Variants in VTI1A observed in about 807,000 individuals in gnomAD.
VTI1A encodes the protein vesicle transport through interaction with t-SNAREs homolog 1A.
A neutral mutation model predicts 34.9 loss-of-function variants in VTI1A; 22 were observed. The ratio of observed to expected loss-of-function variants is 0.63; its 90% confidence interval spans 0.45 to 0.90. The LOEUF is 0.90. VTI1A is among the 40% of genes least tolerant of loss of function. The pLI is 0.00. For synonymous variants in VTI1A, 87 were observed against 97.3 expected, an observed-to-expected ratio of 0.89 and a Z score of 0.62; for missense variants, 268 against 275.6, an observed-to-expected ratio of 0.97 and a Z score of 0.20.
At chr10:112,591,286 C>T (rs545934153) in intron 5 of VTI1A, among the ~76,000 whole-genome samples, 1 of 152,158 alleles carries the variant, frequency 6.6e-6, no homozygotes, top group East Asian at 1.9e-4. Flanking sequence ...TTTGAGAGGC[C>T]GAGGCAGGCG....
chr10:112,511,673 G>A (rs1849614146), intron 3 of VTI1A, among the ~76,000 whole-genome samples: 1 of 152,042 alleles, frequency 6.6e-6, no homozygotes, highest in South Asian at 2.1e-4. Context: ...CTTACTGAAT[G>A]TTTGCACCCT....
At chr10:112,760,889 C>CAAA (rs10592117) in intron 7 of VTI1A, among the ~76,000 whole-genome samples, 3 of 94,250 alleles carry the variant, frequency 3.2e-5, no homozygotes, top group African/African-American at 1.1e-4. Flanking sequence ...ACTCCATCTC[C>CAAA]AAAAAAAAAA....
At chr10:112,511,925 C>T (rs1016683451) in intron 3 of VTI1A, among the ~76,000 whole-genome samples, 1 of 152,130 alleles carries the variant, frequency 6.6e-6, no homozygotes, top group Non-Finnish European at 1.5e-5. Flanking sequence ...GATAGGATTT[C>T]ATTCTGTATA....
At chr10:112,478,605 A>G (rs890102455) in intron 3 of VTI1A, among the ~76,000 whole-genome samples, 7 of 152,222 alleles carry the variant, frequency 4.6e-5, no homozygotes, top group Non-Finnish European at 1.0e-4. Context: ...GACCTTCTGA[A>G]TTGGATAGCT....
At chr10:112,627,942 G>A (rs1845985682) in intron 5 of VTI1A, among the ~76,000 whole-genome samples, 1 of 152,196 alleles carries the variant, frequency 6.6e-6, no homozygotes, top group South Asian at 2.1e-4. Context: ...AAGACTCTGA[G>A]GGATATTTAG....
intron 5 of VTI1A, 86 bp downstream of exon 5, chr10:112,538,416 G>A: frequency 3.1e-6 from 4 of 1,272,804 alleles, no homozygotes; most frequent in East Asian, 2.3e-5. Context: ...CTTCAAAGGA[G>A]TAGCAGAGAC....
At chr10:112,732,198 T>G (rs1320659463) in intron 7 of VTI1A, among the ~76,000 whole-genome samples, 5 of 152,232 alleles carry the variant, frequency 3.3e-5, no homozygotes, top group Non-Finnish European at 5.9e-5. Context: ...AGAAGGCATC[T>G]AGCTACAGAG....
At chr10:112,707,687 A>G (rs1306423005) in intron 7 of VTI1A, among the ~76,000 whole-genome samples, 1 of 152,210 alleles carries the variant, frequency 6.6e-6, no homozygotes, top group Non-Finnish European at 1.5e-5. Context: ...TGTATATTTT[A>G]CATACAAATA....
intron 3 of VTI1A, among the ~76,000 whole-genome samples, chr10:112,481,214 TATTTTAC>T: frequency 6.6e-6 from 1 of 152,354 alleles, no homozygotes; most frequent in South Asian, 2.1e-4. Flanking sequence ...CAAAATCCAG[TATTTTAC>T]ATTTATTCTG....
At chr10:112,460,121 G>T (rs1847683564) in intron 1 of VTI1A, among the ~76,000 whole-genome samples, 1 of 152,134 alleles carries the variant, frequency 6.6e-6, no homozygotes, top group Non-Finnish European at 1.5e-5. Context: ...CCCAGTTTTA[G>T]GAAGTGTTTT....
chr10:112,745,997 T>C (rs1850881070), intron 7 of VTI1A, among the ~76,000 whole-genome samples: 1 of 152,154 alleles, frequency 6.6e-6, no homozygotes. Flanking sequence ...ACAAAACCTT[T>C]CCCTTCCCTA....
chr10:112,552,916 T>C (rs1438428984), intron 5 of VTI1A, among the ~76,000 whole-genome samples: 2 of 152,230 alleles, frequency 1.3e-5, no homozygotes, highest in Non-Finnish European at 1.5e-5. Flanking sequence ...GTTGCTGGCC[T>C]CTGCTCAAAT....
At chr10:112,534,306 A>G (rs898497151) in intron 4 of VTI1A, among the ~76,000 whole-genome samples, 3 of 152,170 alleles carry the variant, frequency 2.0e-5, no homozygotes, top group Non-Finnish European at 4.4e-5. Flanking sequence ...AGTCAAACAT[A>G]TCAAACATGC....
intron 7 of VTI1A, among the ~76,000 whole-genome samples, chr10:112,682,187 C>T (rs1012450047): frequency 3.9e-5 from 6 of 152,076 alleles, no homozygotes; most frequent in Admixed American, 3.3e-4. Context: ...AAAGTATTTT[C>T]GAGCTCATGG....
chr10:112,689,483 G>A (rs1034603525), intron 7 of VTI1A, among the ~76,000 whole-genome samples: 4 of 152,194 alleles, frequency 2.6e-5, no homozygotes, highest in African/African-American at 9.6e-5. Flanking sequence ...GGGGTGCCCT[G>A]GTAGGAGGTG....
the VTI1A span, chr10:112,831,403 T>G: frequency 6.6e-6 from 1 of 152,266 alleles, no homozygotes; most frequent in African/African-American, 2.4e-5. Context: ...CTAATATTCC[T>G]GGCGCATCAG....
chr10:112,794,904 C>T (rs529036624), intron 7 of VTI1A, among the ~76,000 whole-genome samples: 4 of 152,256 alleles, frequency 2.6e-5, no homozygotes, highest in African/African-American at 7.2e-5. Flanking sequence ...AAAGAGCATT[C>T]GTGACAACCC....
chr10:112,560,041 T>A (rs1851670906), intron 5 of VTI1A, among the ~76,000 whole-genome samples: 1 of 152,210 alleles, frequency 6.6e-6, no homozygotes, highest in Non-Finnish European at 1.5e-5. Context: ...TAGTTCTAAC[T>A]GACCCAGACA....
At chr10:112,541,060 TG>T (rs1379780754) in intron 5 of VTI1A, among the ~76,000 whole-genome samples, 26 of 152,326 alleles carry the variant, frequency 1.7e-4, no homozygotes, top group African/African-American at 5.8e-4. Flanking sequence ...ATTTCTAAGA[TG>T]ATGTTTTTCC....
Sources: gnomAD v4.1 joint callset for allele counts (sites outside exome capture counted in the v4.1 genomes callset) on GRCh38, gnomAD v4.1.1 for gene constraint, MANE v1.5 for transcripts, NCBI Gene and HGNC (gene_info 2026-07-23, HGNC 2026-07-21) for gene names.